The following CDH17 variants were observed in gnomAD, a reference collection of about 807,000 sequenced individuals.
CDH17 encodes cadherin-17.
CDH17 carries 67 observed loss-of-function variants against 86.3 expected under a neutral mutation model. The observed-to-expected ratio is 0.78, with a 90% CI of 0.64 to 0.95. CDH17 has a LOEUF of 0.95. CDH17 is among the 40% of genes least tolerant of loss of function. The pLI is 0.00. For missense variants in CDH17, 993 were observed against 1,017.6 expected, an observed-to-expected ratio of 0.98 and a Z score of 0.33; for synonymous variants, 367 against 366.4, an observed-to-expected ratio of 1.00 and a Z score of -0.02.
At chr8:94,161,189 A>G (rs754933245) in intron 11 of CDH17, among the ~76,000 whole-genome samples, 11 of 152,204 alleles carry the variant, frequency 7.2e-5, no homozygotes, top group Non-Finnish European at 1.6e-4. Flanking sequence ...CAAAGTTAGG[A>G]AAGGATCAAA....
In CDH17 at chr8:94,170,900, C is replaced by G. The variant is rs1215968955; in HGVS notation, c.869G>C (p.Gly290Ala). ...CAAGGGCTGAGTCACGTAAATATCT[C>G]CTTCCTGGTCAATTGAAAATGGGAA... ...PRFPFSIDQE[G>A]DIYVTQPLDR... Residue 290 changes from glycine (G) to alanine (A), a missense_variant, in exon 8 of 18, where the codon GGA becomes GCA. Coordinates refer to ENST00000027335, the MANE Select transcript of CDH17 (RefSeq NM_004063.4). 1 of 1,613,762 alleles carries G rather than the reference C, an allele frequency of 6.2e-7. No individual in the cohort carries two copies. Among genetic ancestry groups the G allele is most frequent in the Non-Finnish European group, 8.5e-7 (1 of 1,179,876 alleles).
chr8:94,204,468 A>G (rs1333687923), intron 1 of CDH17, among the ~76,000 whole-genome samples: 1 of 152,202 alleles, frequency 6.6e-6, no homozygotes, highest in Admixed American at 6.5e-5. Context: ...CCTGAAAAGG[A>G]CATGAAATCA....
chr8:94,147,766 A>AAT (rs2130595476), intron 14 of CDH17, among the ~76,000 whole-genome samples: 1 of 152,334 alleles, frequency 6.6e-6, no homozygotes, highest in African/African-American at 2.4e-5. Context: ...GCCAGCAGGC[A>AAT]ATATATATCA....
At chr8:94,210,316 T>C (rs1814103216), upstream of CDH17, among the ~76,000 whole-genome samples, 1 of 146,012 alleles carries the variant, frequency 6.8e-6, no homozygotes, top group East Asian at 2.0e-4. Flanking sequence ...AGTTCCGAAA[T>C]GGGGTTCCTC....
At chr8:94,139,776 A>G (rs1052704337) in intron 15 of CDH17, among the ~76,000 whole-genome samples, 1 of 152,042 alleles carries the variant, frequency 6.6e-6, no homozygotes, top group African/African-American at 2.4e-5. Flanking sequence ...CATGGTGTGC[A>G]CCTGTAATCC....
chr8:94,182,492 C>T (rs1449244543), intron 3 of CDH17, among the ~76,000 whole-genome samples: 1 of 152,004 alleles, frequency 6.6e-6, no homozygotes, highest in African/African-American at 2.4e-5. Flanking sequence ...AGGTAGTATC[C>T]CATATTGATA....
rs536148113 is a variant in CDH17, at chr8:94,197,832, AAAAAAAAAAAAAAAAAG to A, written c.-20-3144_-20-3128del. Among the ~76,000 whole-genome samples the A allele has an allele frequency of 3.4e-3, 478 of 142,604 alleles. 4 individuals are homozygous for A. Among genetic ancestry groups the A allele is most frequent in the Admixed American group, 8.1e-3 (117 of 14,434 alleles). 93.6% of individuals were successfully genotyped at this position (142,604 alleles called of 152,430 possible). A position where few individuals can be genotyped will look rare whatever the true frequency, so the allele number is the denominator to read the frequency against. ...GGTGATGGAACGAGACTCTGTCTAA[AAAAAAAAAAAAAAAAAG>A]AAAAAAAGAAAAAGTTTGTGCTCCT... On this transcript the variant is annotated intron_variant, in intron 1 of 17. Coordinates refer to ENST00000027335, the MANE Select transcript of CDH17 (RefSeq NM_004063.4).
chr8:94,137,434 G>A (rs890673070), intron 15 of CDH17, among the ~76,000 whole-genome samples: 9 of 152,160 alleles, frequency 5.9e-5, no homozygotes, highest in African/African-American at 2.2e-4. Flanking sequence ...GTGGGCACGG[G>A]ACCTGCCAAG....
chr8:94,146,923 T>TC (rs1280332034), intron 14 of CDH17, among the ~76,000 whole-genome samples: 3 of 152,220 alleles, frequency 2.0e-5, no homozygotes, highest in Admixed American at 6.5e-5. Context: ...GTTTTCTTGC[T>TC]CATTTCTAGT....
At position 94,174,120 on chromosome 8, in the gene CDH17, T is replaced by G; in HGVS notation, c.565A>C (p.Ile189Leu). 6.2e-7 allele frequency: 1 copy of G among 1,613,718 alleles called. No individual in the cohort carries two copies. The highest frequency in any genetic ancestry group is 8.5e-7 in the Non-Finnish European group (1 of 1,179,792). ...AACTTACCCTCTCGGGTAAGAGAGA[T>G]GGCTCCCGTTTTGTTGTTGATCTGA... ...YFQINNKTGA[I>L]SLTREGSQEL... Residue 189 changes from isoleucine (I) to leucine (L), a missense_variant, in exon 6 of 18, where the codon ATC becomes CTC. Physicochemically the swap from Ile to Leu is conservative, Grantham distance 5. Transcript: ENST00000027335.
At chr8:94,137,262 G>T (rs1237436819) in intron 15 of CDH17, among the ~76,000 whole-genome samples, 1 of 152,210 alleles carries the variant, frequency 6.6e-6, no homozygotes, top group Non-Finnish European at 1.5e-5. Context: ...GGAGTCTATA[G>T]AGGCAGTAGG....
At chr8:94,128,980 G>T (rs1186346320) in intron 17 of CDH17, among the ~76,000 whole-genome samples, 1 of 152,178 alleles carries the variant, frequency 6.6e-6, no homozygotes, top group Non-Finnish European at 1.5e-5. Context: ...TATGAAGAAG[G>T]AGTTGTTTTA....
At chr8:94,186,047 A>C (rs1463814076) in intron 3 of CDH17, among the ~76,000 whole-genome samples, 1 of 152,034 alleles carries the variant, frequency 6.6e-6, no homozygotes, top group Non-Finnish European at 1.5e-5. Flanking sequence ...AGCCCCTAAG[A>C]GCAGTTGAGA....
intron 1 of CDH17, among the ~76,000 whole-genome samples, chr8:94,215,906 CTTT>C (rs1014724061): frequency 2.8e-4 from 39 of 140,620 alleles, no homozygotes; most frequent in African/African-American, 9.7e-4. Flanking sequence ...TATTTGACCT[CTTT>C]TGTTTTTTGT....
chr8:94,212,910 CAT>C (rs1250316868), upstream of CDH17, among the ~76,000 whole-genome samples: 3 of 152,246 alleles, frequency 2.0e-5, no homozygotes, highest in Non-Finnish European at 1.5e-5. Context: ...ATCAGTTGTA[CAT>C]TGGACAAATG....
intron 14 of CDH17, among the ~76,000 whole-genome samples, chr8:94,147,483 GTTT>G (rs138919366): frequency 6.6e-6 from 1 of 151,976 alleles, no homozygotes; most frequent in Non-Finnish European, 1.5e-5. Flanking sequence ...CATTTTGAAA[GTTT>G]TTTTCCGGGG....
At chr8:94,177,557 G>T in intron 4 of CDH17, 30 bp downstream of exon 4, 1 of 1,612,614 alleles carries the variant, frequency 6.2e-7, no homozygotes, top group African/African-American at 1.3e-5. Context: ...AGAGGTTGGA[G>T]TTAGATCCCT....
chr8:94,191,959 T>C (rs1021687120), intron 2 of CDH17, among the ~76,000 whole-genome samples: 1 of 152,150 alleles, frequency 6.6e-6, no homozygotes, highest in Admixed American at 6.5e-5. Context: ...GTTGCTTAAG[T>C]GAGGTCAGTG....
chr8:94,196,405 T>A (rs1177641543), intron 1 of CDH17, among the ~76,000 whole-genome samples: 1 of 152,074 alleles, frequency 6.6e-6, no homozygotes, highest in East Asian at 1.9e-4. Context: ...TGCAGAGAGG[T>A]CTTTAAAAAC....
Sources: gnomAD v4.1 joint callset for allele counts (sites outside exome capture counted in the v4.1 genomes callset) on GRCh38, gnomAD v4.1.1 for gene constraint, MANE v1.5 for transcripts, NCBI Gene and HGNC (gene_info 2026-07-23, HGNC 2026-07-21) for gene names.